SPRR2G: variants seen among roughly 807,000 people sequenced by gnomAD.
SPRR2G encodes the protein small proline rich protein 2G.
In SPRR2G, 1 loss-of-function variant was observed where a neutral mutation model predicts 0.7. The ratio of observed to expected loss-of-function variants is 1.49; its 90% CI spans 0.53 to 7.06. The LOEUF (loss-of-function observed/expected upper bound fraction) is 7.06. SPRR2G is among the 30% of genes most tolerant of loss of function. The probability of loss-of-function intolerance (pLI) is 0.14; values close to 1 mark genes in which losing one functional copy is unlikely to be tolerated. For missense variants in SPRR2G, 96 were observed against 88.5 expected, an observed-to-expected ratio of 1.09 and a Z score of -0.34; for synonymous variants, 38 against 33.9, an observed-to-expected ratio of 1.12 and a Z score of -0.42.
chr1:153,156,918 T>C, the SPRR2G span, among the ~76,000 whole-genome samples: 1 of 152,220 alleles, frequency 6.6e-6, no homozygotes, highest in South Asian at 2.1e-4. Context: ...GACTAATATT[T>C]CTTCTGAATG....
the SPRR2G span, among the ~76,000 whole-genome samples, chr1:153,159,054 G>A: frequency 8.8e-3 from 1,341 of 152,258 alleles, 15 homozygotes; most frequent in African/African-American, 0.03. Context: ...GGGCTGCCAC[G>A]AAGATCTCTG....
chr1:153,195,348 C>T, the SPRR2G span, among the ~76,000 whole-genome samples: 2 of 152,186 alleles, frequency 1.3e-5, no homozygotes, highest in Non-Finnish European at 1.5e-5. Flanking sequence ...ATCCTCCCGG[C>T]TCCTCCTCCA....
At chr1:153,171,983 T>G in the SPRR2G span, among the ~76,000 whole-genome samples, 1 of 152,192 alleles carries the variant, frequency 6.6e-6, no homozygotes, top group Non-Finnish European at 1.5e-5. Context: ...ACTAAGGACT[T>G]GTTCAGACCT....
At chr1:153,196,511 G>A in the SPRR2G span, among the ~76,000 whole-genome samples, 1 of 152,194 alleles carries the variant, frequency 6.6e-6, no homozygotes, top group East Asian at 1.9e-4. Flanking sequence ...ATTAGATAAA[G>A]CTGCTTATTC....
chr1:153,163,030 C>T, the SPRR2G span, among the ~76,000 whole-genome samples: 2 of 152,182 alleles, frequency 1.3e-5, no homozygotes, highest in Non-Finnish European at 2.9e-5. Flanking sequence ...ACAAAACTGG[C>T]TTTTAACCGT....
intron 1 of SPRR2G, among the ~76,000 whole-genome samples, chr1:153,150,376 T>G (rs1444968022): frequency 6.6e-6 from 1 of 152,184 alleles, no homozygotes; most frequent in Non-Finnish European, 1.5e-5. Flanking sequence ...CAGCAACAAA[T>G]GTTGTCTGAA....
chr1:153,165,298 T>TA, the SPRR2G span, among the ~76,000 whole-genome samples: 2 of 152,036 alleles, frequency 1.3e-5, no homozygotes, highest in African/African-American at 2.4e-5. Flanking sequence ...TATTCTAAGT[T>TA]AAAAAAATCA....
chr1:153,181,196 C>G, the SPRR2G span, among the ~76,000 whole-genome samples: 9 of 151,870 alleles, frequency 5.9e-5, no homozygotes, highest in African/African-American at 2.2e-4. Flanking sequence ...GGAATCTTTC[C>G]TATTGACAAG....
the SPRR2G span, among the ~76,000 whole-genome samples, chr1:153,184,491 T>C: frequency 6.6e-6 from 1 of 152,228 alleles, no homozygotes; most frequent in Non-Finnish European, 1.5e-5. Context: ...AGTTCACTCA[T>C]GATTTGGCTC....
At chr1:153,179,878 T>C in the SPRR2G span, among the ~76,000 whole-genome samples, 1 of 152,146 alleles carries the variant, frequency 6.6e-6, no homozygotes, top group Non-Finnish European at 1.5e-5. Flanking sequence ...AGCAATCATA[T>C]AAAATATAGA....
At chr1:153,197,410 A>T in the SPRR2G span, among the ~76,000 whole-genome samples, 3 of 151,968 alleles carry the variant, frequency 2.0e-5, no homozygotes, top group South Asian at 6.2e-4. Context: ...TTGGAAGCTG[A>T]CCCTGAGAAA....
the SPRR2G span, chr1:153,191,464 G>A: frequency 6.6e-6 from 1 of 152,144 alleles, no homozygotes; most frequent in African/African-American, 2.4e-5. Flanking sequence ...TTTTATTCAT[G>A]TGATTTACAT....
the SPRR2G span, among the ~76,000 whole-genome samples, chr1:153,178,992 A>G: frequency 6.6e-6 from 1 of 152,312 alleles, no homozygotes; most frequent in Non-Finnish European, 1.5e-5. Context: ...AATGAGAGGA[A>G]CAGAACCAGT....
At chr1:153,179,315 A>T in the SPRR2G span, among the ~76,000 whole-genome samples, 2 of 152,190 alleles carry the variant, frequency 1.3e-5, no homozygotes, top group South Asian at 4.1e-4. Context: ...TTGAGTAACT[A>T]GGGACTGTCA....
the SPRR2G span, among the ~76,000 whole-genome samples, chr1:153,189,509 TTTG>T: frequency 6.6e-6 from 1 of 152,122 alleles, no homozygotes; most frequent in Non-Finnish European, 1.5e-5. Context: ...CTGTCTCTTT[TTTG>T]TTTTCAATTA....
the SPRR2G span, among the ~76,000 whole-genome samples, chr1:153,193,435 T>G: frequency 0.015 from 2,306 of 152,274 alleles, 56 homozygotes; most frequent in African/African-American, 0.053. Flanking sequence ...CCCTCAAACA[T>G]GTGCATGCAC....
the SPRR2G span, among the ~76,000 whole-genome samples, chr1:153,195,608 G>A: frequency 6.6e-6 from 1 of 152,148 alleles, no homozygotes. Context: ...GAAATTCTAA[G>A]AAAGAAAAAC....
At chr1:153,158,702 G>A in the SPRR2G span, among the ~76,000 whole-genome samples, 1 of 152,220 alleles carries the variant, frequency 6.6e-6, no homozygotes, top group Non-Finnish European at 1.5e-5. Context: ...TGCCCTAGAA[G>A]AGGTTCTCCA....
the SPRR2G span, among the ~76,000 whole-genome samples, chr1:153,177,516 A>G: frequency 1.5e-4 from 23 of 152,288 alleles, no homozygotes; most frequent in East Asian, 4.2e-3. Flanking sequence ...TTGCTTTGTC[A>G]TTAATTTTAA....
Sources: allele counts gnomAD v4.1 joint callset (sites outside exome capture counted in the v4.1 genomes callset), GRCh38; gene constraint gnomAD v4.1.1; transcripts MANE v1.5; gene names NCBI Gene and HGNC (gene_info 2026-07-23, HGNC 2026-07-21).